Variants in EYS observed in about 807,000 individuals in gnomAD.
The protein encoded by EYS is protein eyes shut homolog.
Under a neutral mutation model 282.1 loss-of-function variants are expected in EYS, and 250 were observed. The ratio of observed to expected loss-of-function variants is 0.89; its 90% CI spans 0.80 to 0.98. The LOEUF (loss-of-function observed/expected upper bound fraction) is 0.98. EYS is among the 50% of genes least tolerant of loss of function. EYS has a pLI of 0.00. For synonymous variants in EYS, 1,355 were observed against 1,282.9 expected, an observed-to-expected ratio of 1.06 and a Z score of -1.20; for missense variants, 4,016 against 3,709.0, an observed-to-expected ratio of 1.08 and a Z score of -2.15.
chr6:65,309,394 T>C (rs1370202999), intron 11 of EYS, among the ~76,000 whole-genome samples: 4 of 152,112 alleles, frequency 2.6e-5, no homozygotes, highest in African/African-American at 4.8e-5. Context: ...AAGAAAAAAA[T>C]TGGTGAATCA....
intron 26 of EYS, among the ~76,000 whole-genome samples, chr6:64,533,568 GT>G (rs1438322520): frequency 6.6e-6 from 1 of 152,028 alleles, no homozygotes; most frequent in Non-Finnish European, 1.5e-5. Flanking sequence ...GAAAAACTCT[GT>G]TAAGGATTCT....
At chr6:64,942,156 T>C (rs1272280167) in intron 15 of EYS, among the ~76,000 whole-genome samples, 1 of 151,836 alleles carries the variant, frequency 6.6e-6, no homozygotes, top group Non-Finnish European at 1.5e-5. Flanking sequence ...ACAATGCTGA[T>C]GTGTGTGAGA....
At chr6:63,961,683 C>A (rs181028013) in intron 35 of EYS, among the ~76,000 whole-genome samples, 8 of 152,076 alleles carry the variant, frequency 5.3e-5, no homozygotes, top group Non-Finnish European at 1.2e-4. Flanking sequence ...CAAACAGACC[C>A]CTCAAGTCTC....
chr6:64,264,299 G>C (rs148729226), intron 30 of EYS, among the ~76,000 whole-genome samples: 2 of 152,050 alleles, frequency 1.3e-5, no homozygotes, highest in Non-Finnish European at 2.9e-5. Context: ...AGGCTTAGGC[G>C]GGCAGTTCTT....
Position 65,353,538 on chromosome 6 carries a change from T to C in EYS, c.1379A>G (p.Tyr460Cys). Residue 460 changes from tyrosine to cysteine, a missense_variant, in exon 9 of 43, where the codon TAC (tyrosine) becomes TGC (cysteine). Physicochemically the swap from Tyr to Cys is radical, Grantham distance 194. Transcript: ENST00000503581. ...AATACCATGGAAGGTGACTCCACAG[T>C]AGCAGAGGTGTTGATGAATTAGGTA... ...NVYLIHQHLC[Y>C]CGVTFHGICQ... The C allele has an allele frequency of 6.2e-7, 1 of 1,613,196 alleles. No individual in the cohort carries two copies. Among genetic ancestry groups the C allele is most frequent in the Non-Finnish European group, 8.5e-7 (1 of 1,179,430 alleles).
chr6:63,993,434 A>C (rs766726939), intron 34 of EYS, among the ~76,000 whole-genome samples: 30 of 151,908 alleles, frequency 2.0e-4, no homozygotes, highest in Non-Finnish European at 3.7e-4. Flanking sequence ...TCTCTGACAT[A>C]CATGCACACA....
intron 14 of EYS, 26 bp downstream of exon 14, chr6:64,997,556 T>C (rs948535276): frequency 1.9e-6 from 3 of 1,547,568 alleles, no homozygotes; most frequent in African/African-American, 2.7e-5. Context: ...CACATTTAGG[T>C]ATATAAAAAG....
In EYS at chr6:64,688,056, G is replaced by T. The variant is rs369635967; in HGVS notation, c.3444-61811C>A. Among the ~76,000 whole-genome samples, 335 of 151,676 alleles carry T rather than the reference G, an allele frequency of 2.2e-3. 9 individuals carry two copies. In the South Asian group the frequency reaches 0.061, roughly 27 times the overall value. The stretch of plus-strand genomic sequence containing the variant: ...TCTAATGGTAGTTTGTATCTCTGTG[G>T]GATCGGTGGTGGTATCCCCTTTATC... On this transcript the variant is annotated intron_variant, in intron 22 of 42. Coordinates refer to ENST00000503581, the MANE Select transcript of EYS (RefSeq NM_001142800.2).
chr6:64,015,496 A>G (rs1208929964), intron 33 of EYS, among the ~76,000 whole-genome samples: 1 of 152,222 alleles, frequency 6.6e-6, no homozygotes, highest in Non-Finnish European at 1.5e-5. Flanking sequence ...AAGGTAAAAT[A>G]GCAAAAAATA....
At chr6:64,561,114 G>A (rs1376558488) in intron 26 of EYS, among the ~76,000 whole-genome samples, 1 of 151,902 alleles carries the variant, frequency 6.6e-6, no homozygotes, top group East Asian at 1.9e-4. Flanking sequence ...AACAGATGCA[G>A]AAATCCAACA....
intron 30 of EYS, among the ~76,000 whole-genome samples, chr6:64,241,607 G>A (rs1445608866): frequency 6.6e-6 from 1 of 150,832 alleles, no homozygotes; most frequent in African/African-American, 2.4e-5. Context: ...CTATTTTGTT[G>A]ATCTTTTCAA....
chr6:64,450,855 G>A (rs1775306279), intron 26 of EYS, among the ~76,000 whole-genome samples: 1 of 152,156 alleles, frequency 6.6e-6, no homozygotes, highest in Admixed American at 6.5e-5. Flanking sequence ...CACATTCAAA[G>A]CAGTGTATAG....
chr6:65,692,439 T>A (rs1263635487), intron 1 of EYS, among the ~76,000 whole-genome samples: 1 of 149,814 alleles, frequency 6.7e-6, no homozygotes, highest in Non-Finnish European at 1.5e-5. Flanking sequence ...TATGAAAAAA[T>A]TGACATAATT....
chr6:64,643,496 C>G (rs1008014652), intron 22 of EYS, among the ~76,000 whole-genome samples: 8 of 152,152 alleles, frequency 5.3e-5, no homozygotes, highest in African/African-American at 1.9e-4. Context: ...GGAAATCCCA[C>G]GTGGTCCTGG....
rs910217784 is a variant in EYS, at chr6:64,838,372, G to A, written c.2993-15550C>T. 7.2e-5 allele frequency among the ~76,000 whole-genome samples: 11 copies of A among 151,814 alleles called. 1 individual carries two copies. The highest frequency in any genetic ancestry group is 2.2e-4 in the African/African-American group (9 of 41,384). ...TTTACATTAATTCTTTGTGTCTGAAGATCCAGGACCAGAAGTTTCTAAGGC... is the reference window on the plus strand; with the variant it reads ...TTTACATTAATTCTTTGTGTCTGAAAATCCAGGACCAGAAGTTTCTAAGGC... On this transcript the variant is annotated intron_variant, in intron 19 of 42. Transcript: ENST00000503581.
At chr6:64,833,996 TTGA>T (rs1255194876) in intron 19 of EYS, among the ~76,000 whole-genome samples, 1 of 151,860 alleles carries the variant, frequency 6.6e-6, no homozygotes, top group Non-Finnish European at 1.5e-5. Context: ...AACCAGGGCC[TTGA>T]TGAAATTTAA....
intron 41 of EYS, among the ~76,000 whole-genome samples, chr6:63,737,658 G>C (rs1768954644): frequency 6.6e-6 from 1 of 152,170 alleles, no homozygotes; most frequent in Non-Finnish European, 1.5e-5. Context: ...GTTTCAGAAG[G>C]AATGGTACCA....
At chr6:64,753,906 T>C (rs1212986226) in intron 22 of EYS, among the ~76,000 whole-genome samples, 1 of 152,096 alleles carries the variant, frequency 6.6e-6, no homozygotes, top group African/African-American at 2.4e-5. Context: ...ATCAAATATA[T>C]TTTTAACCTC....
At chr6:65,087,587 C>A (rs1351437231) in intron 12 of EYS, among the ~76,000 whole-genome samples, 3 of 152,054 alleles carry the variant, frequency 2.0e-5, no homozygotes, top group Non-Finnish European at 4.4e-5. Flanking sequence ...TATCAGATGT[C>A]AACACTCATA....
Sources: allele counts gnomAD v4.1 joint callset (sites outside exome capture counted in the v4.1 genomes callset), GRCh38; gene constraint gnomAD v4.1.1; transcripts MANE v1.5; gene names NCBI Gene and HGNC (gene_info 2026-07-23, HGNC 2026-07-21).